Variants in GOLGA8J observed in about 807,000 individuals in gnomAD.
The protein encoded by GOLGA8J is golgin subfamily A member 8J.
Under a neutral mutation model 67.7 loss-of-function variants are expected in GOLGA8J, and 19 were observed. That is an observed-to-expected ratio of 0.28 (90% CI 0.20 to 0.41). GOLGA8J has a LOEUF of 0.41. Ranked by LOEUF, GOLGA8J falls within the 10% of genes least tolerant of loss-of-function variation. The pLI, the probability that GOLGA8J is intolerant of heterozygous loss-of-function variation, is 1.00. For synonymous variants in GOLGA8J, 69 were observed against 215.9 expected, an observed-to-expected ratio of 0.32 and a Z score of 5.97; for missense variants, 205 against 584.3, an observed-to-expected ratio of 0.35 and a Z score of 6.69.
In GOLGA8J at chr15:30,092,086, C is replaced by G. The variant is rs759153554; in HGVS notation, c.1321C>G (p.Arg441Gly). ...HLDSEGEEAP[R>G]PMPSVPEDPE... ...GGACAGTGAGGGGGAGGAGGCACCTCGGCCCATGCCGAGTGTCCCAGAGGA... is the reference window on the plus strand; with the variant it reads ...GGACAGTGAGGGGGAGGAGGCACCTGGGCCCATGCCGAGTGTCCCAGAGGA... The change falls in exon 15 of 19, where the codon CGG (arginine) becomes GGG (glycine). Residue 441 changes from arginine to glycine, a missense_variant. By Grantham distance (125) the Arg-to-Gly change is moderately radical. Coordinates refer to ENST00000567927, the MANE Select transcript of GOLGA8J (RefSeq NM_001282472.2). 8 of 1,588,946 alleles carry G rather than the reference C, an allele frequency of 5.0e-6. No individual in the cohort carries two copies. In the East Asian group the frequency reaches 1.6e-4, roughly 32 times the overall value.
intron 13 of GOLGA8J, 156 bp downstream of exon 13, chr15:30,090,436 C>T: frequency 1.0e-6 from 1 of 952,594 alleles, no homozygotes. Flanking sequence ...TTCTTGCTTC[C>T]TGCCTCTGAC....
Position 30,092,050 on chromosome 15 carries a change from G to A in GOLGA8J, c.1285G>A (p.Gly429Arg), listed in dbSNP as rs540059436. Reference protein sequence around the residue: ...LMALPGEGHGGEHLDSEGEEA... With the variant: ...LMALPGEGHGREHLDSEGEEA... The stretch of plus-strand genomic sequence containing the variant: ...CTGACCACCCCCCACAGGACACGGA[G>A]GAGAACATCTGGACAGTGAGGGGGA... The change falls in exon 15 of 19, where the codon GGA becomes AGA. Residue 429 changes from glycine (G) to arginine (R), a missense_variant. Gly to Arg is a moderately radical substitution (Grantham distance 125). Transcript: ENST00000567927. 558 of 1,597,844 alleles carry A rather than the reference G, an allele frequency of 3.5e-4. 11 individuals are homozygous for A. In the African/African-American group the frequency reaches 6.8e-3, roughly 19 times the overall value.
In GOLGA8J at chr15:30,094,489, C is replaced by T. The variant is rs1383143595; in HGVS notation, c.*990C>T. 1.5e-5 allele frequency among the ~76,000 whole-genome samples: 2 copies of T among 133,208 alleles called. No homozygotes were observed. Among genetic ancestry groups the T allele is most frequent in the Non-Finnish European group, 3.0e-5 (2 of 66,800 alleles). 87.4% of individuals were successfully genotyped at this position (133,208 alleles called of 152,430 possible). On this transcript the variant is annotated 3_prime_UTR_variant, in exon 19 of 19. Transcript: ENST00000567927. ...CAAAAGGGCACTGGTTGGCATTCTT[C>T]TTAATGTATTTAGTGAAGATCATAA... is the stretch of plus-strand genomic sequence containing the variant.
rs2057465891 is a variant in GOLGA8J, at chr15:30,096,236, T to C, written c.*2737T>C. 6.6e-6 allele frequency among the ~76,000 whole-genome samples: 1 copy of C among 150,430 alleles called. No individual in the cohort carries two copies. The highest frequency in any genetic ancestry group is 2.0e-4 in the East Asian group (1 of 4,992). ...AAGATGGCAATATATAATAATCATT[T>C]TAAAAGTATTTGATTCAACCTGATA... On this transcript the variant is annotated 3_prime_UTR_variant, in exon 19 of 19. Transcript: ENST00000567927.
In GOLGA8J at chr15:30,089,963, T is replaced by C; in HGVS notation, c.1131+7T>C. On this transcript the variant is annotated splice_region_variant and intron_variant, in intron 12 of 18. Coordinates refer to ENST00000567927, the MANE Select transcript of GOLGA8J (RefSeq NM_001282472.2). ...GAGCGTCTTCAAGGAGCCGGTGCGTTGCCCAAACTGGGGAGCTTGCCCTCC... is the reference window on the plus strand; with the variant it reads ...GAGCGTCTTCAAGGAGCCGGTGCGTCGCCCAAACTGGGGAGCTTGCCCTCC... 5 of 1,525,654 alleles carry C rather than the reference T, an allele frequency of 3.3e-6. No homozygotes were observed. Among genetic ancestry groups the C allele is most frequent in the Non-Finnish European group, 4.4e-6 (5 of 1,146,796 alleles). 94.5% of individuals were successfully genotyped at this position (1,525,654 alleles called of 1,614,324 possible). A position where few individuals can be genotyped will look rare whatever the true frequency, so the allele number is the denominator to read the frequency against.
rs1447736400 is a variant in GOLGA8J at position 30,094,864 on chromosome 15, T to G, written c.*1365T>G. On this transcript the variant is annotated 3_prime_UTR_variant, in exon 19 of 19. Coordinates refer to ENST00000567927, the MANE Select transcript of GOLGA8J (RefSeq NM_001282472.2). ...TCTTTGAAAATCAAGGAGAAGTTTA[T>G]GAAACTTAAAATGTGTACAAACTGC... Among the ~76,000 whole-genome samples, 6 of 139,634 alleles carry G rather than the reference T, an allele frequency of 4.3e-5. No individual in the cohort carries two copies. The highest frequency in any genetic ancestry group is 6.9e-5 in the Admixed American group (1 of 14,560). The allele number at this position is 139,634 out of a possible 152,430, so 91.6% of individuals were successfully genotyped here. A position where few individuals can be genotyped will look rare whatever the true frequency, so the allele number is the denominator to read the frequency against.
At chr15:30,084,280 A>C (rs1456625915) in intron 1 of GOLGA8J, among the ~76,000 whole-genome samples, 6 of 127,188 alleles carry the variant, frequency 4.7e-5, no homozygotes, top group South Asian at 2.6e-4. Flanking sequence ...AGTATACCAG[A>C]CCTCTCTCTG....
chr15:30,083,022 A>C lies in GOLGA8J; in HGVS notation c.-31A>C. ...TTCTCATTGAGATTTTGCTGCTGTG[A>C]CCCCAACCCTGCCTCCCTCCCCACC... On this transcript the variant is annotated 5_prime_UTR_variant, in exon 1 of 19. Transcript: ENST00000567927. 2.7e-5 allele frequency: 1 copy of C among 37,078 alleles called. No individual in the cohort carries two copies. Among genetic ancestry groups the C allele is most frequent in the Non-Finnish European group, 4.6e-5 (1 of 21,710 alleles). 2.3% of individuals were successfully genotyped at this position (37,078 alleles called of 1,614,324 possible).
chr15:30,090,686 CAAAAAAA>C (rs71270989), intron 13 of GOLGA8J, among the ~76,000 whole-genome samples: 4 of 59,394 alleles, frequency 6.7e-5, no homozygotes, highest in Admixed American at 3.5e-4. Flanking sequence ...ACTAAAATTA[CAAAAAAA>C]AAAAAAAAAA....
intron 8 of GOLGA8J, chr15:30,088,054 T>C (rs935936840): frequency 3.1e-4 from 61 of 194,290 alleles, no homozygotes; most frequent in Admixed American, 5.8e-4. Context: ...CGTGTGTGCG[T>C]GTGTGTGTGT....
intron 13 of GOLGA8J, among the ~76,000 whole-genome samples, chr15:30,090,820 G>A (rs990321702): frequency 7.8e-6 from 1 of 128,214 alleles, no homozygotes; most frequent in Non-Finnish European, 1.6e-5. Flanking sequence ...TTGCACCACT[G>A]CACTCCAGCC....
At chr15:30,091,936 G>A (rs1007049377) in intron 14 of GOLGA8J, 106 bp from the exon 15 acceptor site, 41 of 1,130,716 alleles carry the variant, frequency 3.6e-5, no homozygotes, top group Non-Finnish European at 5.2e-5. Context: ...ATTCCTCTCT[G>A]GGGAGGGGCA....
intron 11 of GOLGA8J, 145 bp from the exon 12 acceptor site, chr15:30,089,555 C>T (rs1379853548): frequency 3.0e-6 from 3 of 992,510 alleles, no homozygotes; most frequent in Non-Finnish European, 2.9e-6. Flanking sequence ...TCTGAAAGTG[C>T]TTTGGAAGAC....
intron 2 of GOLGA8J, among the ~76,000 whole-genome samples, chr15:30,085,291 A>T (rs1209243969): frequency 9.5e-6 from 1 of 104,930 alleles, no homozygotes; most frequent in African/African-American, 8.6e-5. Flanking sequence ...AAGAAAAAAA[A>T]AAAAAGGAAT....
chr15:30,094,815 G>A lies in GOLGA8J; in HGVS notation c.*1316G>A, dbSNP rs2057452149. Among the ~76,000 whole-genome samples the A allele has an allele frequency of 1.5e-5, 2 of 137,502 alleles. No individual in the cohort carries two copies. The highest frequency in any genetic ancestry group is 2.2e-4 in the South Asian group (1 of 4,476). 90.2% of individuals were successfully genotyped at this position (137,502 alleles called of 152,430 possible). A position where few individuals can be genotyped will look rare whatever the true frequency, so the allele number is the denominator to read the frequency against. ...AGATACTTAGTTGAAACAAAAAGGA[G>A]TTTTAGTAGACGGTATTGTACTCTC... On this transcript the variant is annotated 3_prime_UTR_variant, in exon 19 of 19. Coordinates refer to ENST00000567927, the MANE Select transcript of GOLGA8J (RefSeq NM_001282472.2).
At chr15:30,088,497 G>A (rs1187234379) in intron 8 of GOLGA8J, among the ~76,000 whole-genome samples, 2 of 146,398 alleles carry the variant, frequency 1.4e-5, no homozygotes, top group African/African-American at 2.6e-5. Flanking sequence ...AATAATAACA[G>A]TAATAACAAT....
At chr15:30,091,192 AG>A (rs1188510039) in intron 13 of GOLGA8J, among the ~76,000 whole-genome samples, 1 of 100,220 alleles carries the variant, frequency 1.0e-5, no homozygotes, top group South Asian at 4.0e-4. Flanking sequence ...CCTCACACCC[AG>A]GGTCTTCCTG....
intron 8 of GOLGA8J, chr15:30,088,061 G>C (rs1310613075): frequency 2.0e-6 from 1 of 489,514 alleles, no homozygotes; most frequent in Non-Finnish European, 3.8e-6. Flanking sequence ...GCGTGTGTGT[G>C]TGTGTGTGTG....
intron 14 of GOLGA8J, 22 bp from the exon 15 acceptor site, chr15:30,092,020 C>A: frequency 6.3e-7 from 1 of 1,597,854 alleles, no homozygotes; most frequent in Non-Finnish European, 8.5e-7. Flanking sequence ...TGTCTGAAGA[C>A]CCGTCTGACC....
Sources: gnomAD v4.1 joint callset for allele counts (sites outside exome capture counted in the v4.1 genomes callset) on GRCh38, gnomAD v4.1.1 for gene constraint, MANE v1.5 for transcripts, NCBI Gene and HGNC (gene_info 2026-07-23, HGNC 2026-07-21) for gene names.